Variants in PEBP4 observed in about 807,000 individuals in gnomAD.
The protein encoded by PEBP4 is phosphatidylethanolamine-binding protein 4.
In PEBP4, 22 loss-of-function variants were observed where a neutral mutation model predicts 23.9. The ratio of observed to expected loss-of-function variants is 0.92; its 90% CI spans 0.66 to 1.31. The LOEUF (loss-of-function observed/expected upper bound fraction) is 1.31. PEBP4 is among the 40% of genes most tolerant of loss of function. The probability of loss-of-function intolerance (pLI) is 0.00; values close to 1 mark genes in which losing one functional copy is unlikely to be tolerated. For missense variants in PEBP4, 324 were observed against 281.7 expected (o/e 1.15, Z -1.07); for synonymous variants, 112 against 99.3 (o/e 1.13, Z -0.76).
At chr8:22,813,056 A>T (rs543190476) in intron 4 of PEBP4, among the ~76,000 whole-genome samples, 1 of 152,346 alleles carries the variant, frequency 6.6e-6, no homozygotes, top group African/African-American at 2.4e-5. Context: ...GCAGGGAGCT[A>T]TAATTCTTGC....
intron 6 of PEBP4, among the ~76,000 whole-genome samples, chr8:22,719,979 G>A (rs766323494): frequency 6.6e-6 from 1 of 152,372 alleles, no homozygotes; most frequent in African/African-American, 2.4e-5. Context: ...GTGTGAGAAC[G>A]TGCAGATCCA....
At chr8:22,927,741 G>C (rs757416949) in intron 1 of PEBP4, 21 bp from the exon 2 acceptor site, 2 of 1,613,002 alleles carry the variant, frequency 1.2e-6, no homozygotes, top group Non-Finnish European at 1.7e-6. Context: ...AAGAACTTTA[G>C]AGCGGCTGGA....
At chr8:22,935,976 A>T (rs1426690304) in intron 1 of PEBP4, among the ~76,000 whole-genome samples, 1 of 151,488 alleles carries the variant, frequency 6.6e-6, no homozygotes, top group Non-Finnish European at 1.5e-5. Context: ...AAGAAGGAGG[A>T]TCTCAAATCA....
chr8:22,861,241 C>G (rs1297848728), intron 3 of PEBP4, among the ~76,000 whole-genome samples: 5 of 152,152 alleles, frequency 3.3e-5, no homozygotes, highest in Non-Finnish European at 5.9e-5. Flanking sequence ...CTACTGAAGT[C>G]AGCAGAGGGA....
At chr8:22,744,650 C>T (rs1805074162) in intron 4 of PEBP4, 1 of 152,296 alleles carries the variant, frequency 6.6e-6, no homozygotes, top group African/African-American at 2.4e-5. Flanking sequence ...CACGCTTAGC[C>T]TCCTACGGGG....
At chr8:22,886,037 T>C (rs1039328748) in intron 3 of PEBP4, 2 of 152,226 alleles carry the variant, frequency 1.3e-5, no homozygotes, top group South Asian at 4.1e-4. Flanking sequence ...TGTTGATTCA[T>C]TTATTCACTC....
Position 22,775,141 on chromosome 8 carries a change from C to T in PEBP4, c.357+42496G>A, listed in dbSNP as rs750324776. ...GTTTCCCCACCTGTACCATAAGAGA[C>T]GGGCCCCAAGTTCTCTTCTAAGGTC... On this transcript the variant is annotated intron_variant, in intron 4 of 6. Transcript: ENST00000256404. The surrounding 1 kb of genome is among the most constrained non-coding windows in gnomAD (Gnocchi z 4.8). 2.0e-5 allele frequency among the ~76,000 whole-genome samples: 3 copies of T among 152,336 alleles called. No homozygotes were observed. Among genetic ancestry groups the T allele is most frequent in the East Asian group, 1.9e-4 (1 of 5,184 alleles).
At chr8:22,812,011 G>A (rs185249072) in intron 4 of PEBP4, among the ~76,000 whole-genome samples, 3 of 152,286 alleles carry the variant, frequency 2.0e-5, no homozygotes, top group East Asian at 3.9e-4. Flanking sequence ...CTCATTGAAC[G>A]CTGGGAAATA....
At chr8:22,909,328 G>A (rs914373240) in intron 3 of PEBP4, among the ~76,000 whole-genome samples, 5 of 152,164 alleles carry the variant, frequency 3.3e-5, no homozygotes, top group East Asian at 1.9e-4. Context: ...CAAACCCTCC[G>A]CATTGCCAGC....
intron 3 of PEBP4, among the ~76,000 whole-genome samples, chr8:22,852,826 C>T (rs1161416806): frequency 2.0e-5 from 3 of 152,078 alleles, no homozygotes; most frequent in Non-Finnish European, 4.4e-5. Context: ...ATGATGGCAA[C>T]GTTTGAAAAA....
intron 4 of PEBP4, among the ~76,000 whole-genome samples, chr8:22,731,289 C>G (rs1196262580): frequency 6.6e-6 from 1 of 152,140 alleles, no homozygotes; most frequent in African/African-American, 2.4e-5. Flanking sequence ...AAGACCAACC[C>G]CTTCTCTTCT....
Position 22,713,346 on chromosome 8 carries a change from T to C in PEBP4, c.*24A>G. 6.4e-7 allele frequency: 1 copy of C among 1,559,946 alleles called. No homozygotes were observed. Among genetic ancestry groups the C allele is most frequent in the South Asian group, 1.2e-5 (1 of 82,476 alleles). On this transcript the variant is annotated 3_prime_UTR_variant, in exon 7 of 7. Transcript: ENST00000256404. ...GTCGGTGGTGGGCAGTGTGGCCACA[T>C]GCCCGGATGGCAAAGCCGGCTATCT...
intron 4 of PEBP4, among the ~76,000 whole-genome samples, chr8:22,751,590 G>GTA: frequency 7.8e-6 from 1 of 128,602 alleles, no homozygotes. Context: ...GAGTGTGTCT[G>GTA]TGTGTGTGTG....
intron 3 of PEBP4, among the ~76,000 whole-genome samples, chr8:22,845,255 C>T (rs1807405383): frequency 6.6e-6 from 1 of 151,938 alleles, no homozygotes; most frequent in Non-Finnish European, 1.5e-5. Context: ...ATCATCAGAC[C>T]AGACGCAGTG....
chr8:22,835,690 T>G (rs542125881), intron 3 of PEBP4, among the ~76,000 whole-genome samples: 1 of 152,346 alleles, frequency 6.6e-6, no homozygotes, highest in South Asian at 2.1e-4. Flanking sequence ...GGGAATGCAG[T>G]TCATTCTGGT....
chr8:22,782,127 G>A (rs1010502160), intron 4 of PEBP4, among the ~76,000 whole-genome samples: 1 of 152,222 alleles, frequency 6.6e-6, no homozygotes, highest in African/African-American at 2.4e-5. Context: ...TGAGACTTGA[G>A]ACGGGAATGA....
chr8:22,811,476 G>A (rs1806626871), intron 4 of PEBP4, among the ~76,000 whole-genome samples: 1 of 152,226 alleles, frequency 6.6e-6, no homozygotes, highest in Admixed American at 6.5e-5. Flanking sequence ...GCGGGACAAT[G>A]ACAGCAGAGT....
intron 3 of PEBP4, among the ~76,000 whole-genome samples, chr8:22,838,139 G>A (rs757533471): frequency 9.2e-5 from 14 of 151,998 alleles, no homozygotes; most frequent in East Asian, 1.9e-4. Flanking sequence ...GGGCTCCAGC[G>A]ATCCTCTCAC....
intron 3 of PEBP4, chr8:22,884,613 A>G (rs1314929833): frequency 6.6e-6 from 1 of 151,834 alleles, no homozygotes; most frequent in Non-Finnish European, 1.5e-5. Flanking sequence ...AGAAGAAAGA[A>G]CCTCTTCCAA....
Sources: allele counts gnomAD v4.1 joint callset (sites outside exome capture counted in the v4.1 genomes callset), GRCh38; gene constraint gnomAD v4.1.1; non-coding constraint Gnocchi (gnomAD v3.1); transcripts MANE v1.5; gene names NCBI Gene and HGNC (gene_info 2026-07-23, HGNC 2026-07-21).